APBB2: variants seen among roughly 807,000 people sequenced by gnomAD.
APBB2 encodes the protein amyloid beta precursor protein binding family B member 2.
Under a neutral mutation model 82.5 loss-of-function variants are expected in APBB2, and 38 were observed. The ratio of observed to expected loss-of-function variants is 0.46; its 90% CI spans 0.36 to 0.60. APBB2 has a LOEUF of 0.60. Ranked by LOEUF, APBB2 falls within the 20% of genes least tolerant of loss-of-function variation. APBB2 has a pLI of 0.00. For synonymous variants in APBB2, 341 were observed against 368.2 expected, an observed-to-expected ratio of 0.93 and a Z score of 0.85; for missense variants, 772 against 972.3, an observed-to-expected ratio of 0.79 and a Z score of 2.74.
At chr4:41,174,106 A>T (rs568281586) in intron 1 of APBB2, among the ~76,000 whole-genome samples, 2 of 152,318 alleles carry the variant, frequency 1.3e-5, no homozygotes, top group East Asian at 1.9e-4. Flanking sequence ...ACCGAAGCTG[A>T]TCACTTTTTC....
intron 5 of APBB2, among the ~76,000 whole-genome samples, chr4:41,033,029 G>T (rs371325542): frequency 1.3e-4 from 20 of 151,584 alleles, no homozygotes; most frequent in Admixed American, 7.2e-4. Flanking sequence ...GTGATCCGCC[G>T]GTCTCGGCCT....
In APBB2 at chr4:40,858,454, CAAAAAAA is replaced by C. The variant is rs34433911; in HGVS notation, c.1530-27884_1530-27878del. Among the ~76,000 whole-genome samples the C allele has an allele frequency of 1.2e-3, 70 of 57,728 alleles. 1 individual carries two copies. Among genetic ancestry groups the C allele is most frequent in the Middle Eastern group, 0.013 (1 of 80 alleles). The allele number at this position is 57,728 out of a possible 152,430, so 37.9% of individuals were successfully genotyped here. On this transcript the variant is annotated intron_variant, in intron 12 of 17. Coordinates refer to ENST00000508593, the MANE Select transcript of APBB2 (RefSeq NM_004307.2). ...TGAGTGACAGAGTGAGAGTCCGTCT[CAAAAAAA>C]AAAAAAAAAAAAAAAAAGAGCAAAA...
chr4:40,982,834 A>C (rs1799467099), intron 6 of APBB2, among the ~76,000 whole-genome samples: 1 of 152,204 alleles, frequency 6.6e-6, no homozygotes, highest in African/African-American at 2.4e-5. Context: ...TCACTTATCC[A>C]AATGCAGCAA....
intron 17 of APBB2, among the ~76,000 whole-genome samples, chr4:40,819,866 A>G (rs1041853982): frequency 1.3e-5 from 2 of 152,156 alleles, no homozygotes; most frequent in Non-Finnish European, 1.5e-5. Context: ...AGGCTGGACT[A>G]CAGTGGTGCC....
At chr4:41,053,956 A>G (rs905672309) in intron 4 of APBB2, among the ~76,000 whole-genome samples, 5 of 152,252 alleles carry the variant, frequency 3.3e-5, no homozygotes, top group Admixed American at 1.3e-4. Flanking sequence ...GAAAAGGCTC[A>G]TAACATCTGC....
At chr4:40,880,633 C>G (rs1264124737) in intron 12 of APBB2, 1 of 985,312 alleles carries the variant, frequency 1.0e-6, no homozygotes, top group Admixed American at 6.2e-5. Context: ...AAGAAGATCA[C>G]GGCACTTTGA....
At chr4:40,907,348 C>CATATAT (rs56302731) in intron 10 of APBB2, among the ~76,000 whole-genome samples, 34 of 97,298 alleles carry the variant, frequency 3.5e-4, no homozygotes, top group Non-Finnish European at 5.4e-4. Context: ...TAATATATTA[C>CATATAT]ATATATATAT....
At position 41,116,618 on chromosome 4, in the gene APBB2, C is replaced by T. The variant is rs537023330; in HGVS notation, c.-260-15868G>A. ...TGCTTTCCAACATGGGCGACAAGAG[C>T]GAAACTCTGTCTCAAAAAAATAAAG... On this transcript the variant is annotated intron_variant, in intron 2 of 17. Transcript: ENST00000508593. Among the ~76,000 whole-genome samples, 8 of 151,846 alleles carry T rather than the reference C, an allele frequency of 5.3e-5. No individual in the cohort carries two copies. In the South Asian group the frequency reaches 1.0e-3, roughly 20 times the overall value.
intron 2 of APBB2, among the ~76,000 whole-genome samples, chr4:41,128,840 G>T (rs1755160214): frequency 1.3e-5 from 2 of 152,086 alleles, no homozygotes; most frequent in Admixed American, 6.5e-5. Context: ...AAAACTAACG[G>T]GCTATTATAT....
intron 12 of APBB2, among the ~76,000 whole-genome samples, chr4:40,836,091 G>A (rs1028579076): frequency 2.0e-5 from 3 of 152,160 alleles, no homozygotes; most frequent in South Asian, 2.1e-4. Context: ...GGTGGGTGCT[G>A]GGACCCTGCA....
chr4:40,867,864 CT>C (rs35665507), intron 12 of APBB2, among the ~76,000 whole-genome samples: 90,601 of 138,652 alleles, frequency 0.65, 28,686 homozygotes, highest in Admixed American at 0.68. Context: ...ATTTCTGGGG[CT>C]TTTTTTTTTT....
rs1745453084 is a variant in APBB2 at position 40,815,828 on chromosome 4, A to G, written c.*264T>C. 1 of 397,292 alleles carries G rather than the reference A, an allele frequency of 2.5e-6. No individual in the cohort carries two copies. The highest frequency in any genetic ancestry group is 4.6e-6 in the Non-Finnish European group (1 of 217,298). The allele number at this position is 397,292 out of a possible 1,614,324, so 24.6% of individuals were successfully genotyped here. On this transcript the variant is annotated 3_prime_UTR_variant, in exon 18 of 18. Transcript: ENST00000508593. The stretch of plus-strand genomic sequence containing the variant: ...CTCTGTGTGTGTGTGAAGTTAAGTA[A>G]TGTTCACAATATTTACAATAAGAAA...
At chr4:40,889,061 G>A (rs1365243149) in intron 12 of APBB2, among the ~76,000 whole-genome samples, 6 of 152,234 alleles carry the variant, frequency 3.9e-5, no homozygotes, top group Admixed American at 3.9e-4. Flanking sequence ...AATGACAGGT[G>A]TGCGCACATA....
chr4:41,030,029 G>T (rs983130671), intron 5 of APBB2, among the ~76,000 whole-genome samples: 1 of 152,152 alleles, frequency 6.6e-6, no homozygotes, highest in African/African-American at 2.4e-5. Flanking sequence ...GGTGGCACAT[G>T]CCTGTAGTCC....
chr4:40,813,278 A>T lies in APBB2; in HGVS notation c.*2814T>A, dbSNP rs763321892. ...ATACATTAACACAATAATGCAGTAT[A>T]TTTCAGTAAAAATAGAATAAATAAA... is the stretch of plus-strand genomic sequence containing the variant. On this transcript the variant is annotated 3_prime_UTR_variant, in exon 18 of 18. Transcript: ENST00000508593. 6 of 152,232 alleles carry T rather than the reference A, an allele frequency of 3.9e-5. No individual in the cohort carries two copies. Among genetic ancestry groups the T allele is most frequent in the African/African-American group, 7.2e-5 (3 of 41,454 alleles). The allele number at this position is 152,232 out of a possible 1,614,324, so 9.4% of individuals were successfully genotyped here.
intron 6 of APBB2, among the ~76,000 whole-genome samples, chr4:40,957,593 T>A (rs2154387398): frequency 6.6e-6 from 1 of 152,114 alleles, no homozygotes; most frequent in South Asian, 2.1e-4. Flanking sequence ...TCCTTTTTTT[T>A]TTTTTTTGAG....
intron 1 of APBB2, among the ~76,000 whole-genome samples, chr4:41,196,599 C>CTTTT: frequency 2.0e-3 from 200 of 100,284 alleles, no homozygotes; most frequent in Middle Eastern, 6.3e-3. Flanking sequence ...AAGCCCCCTG[C>CTTTT]TTTTTTTTTT....
intron 4 of APBB2, among the ~76,000 whole-genome samples, chr4:41,049,003 C>T (rs13104770): frequency 0.18 from 27,559 of 151,996 alleles, 2,829 homozygotes; most frequent in Non-Finnish European, 0.24. Flanking sequence ...GGCGTGATCT[C>T]GGCTAGCTAC....
chr4:41,131,205 A>T (rs1755871982), intron 2 of APBB2, among the ~76,000 whole-genome samples: 3 of 152,214 alleles, frequency 2.0e-5, no homozygotes, highest in Admixed American at 2.0e-4. Flanking sequence ...GAAGCTGAGC[A>T]GTAGCTGTGC....
Sources: allele counts gnomAD v4.1 joint callset (sites outside exome capture counted in the v4.1 genomes callset), GRCh38; gene constraint gnomAD v4.1.1; transcripts MANE v1.5; gene names NCBI Gene and HGNC (gene_info 2026-07-23, HGNC 2026-07-21).